The following DOCK3 variants were observed in gnomAD, a reference collection of about 807,000 sequenced individuals.
DOCK3 encodes the protein dedicator of cytokinesis protein 3.
DOCK3 carries 60 observed loss-of-function variants against 265.6 expected under a neutral mutation model. The observed-to-expected ratio is 0.23, with a 90% confidence interval of 0.18 to 0.28. DOCK3 has a LOEUF of 0.28. DOCK3 is among the 10% of genes least tolerant of loss of function. The pLI is 1.00. For missense variants in DOCK3, 1,981 were observed against 2,594.3 expected, an observed-to-expected ratio of 0.76 and a Z score of 5.14; for synonymous variants, 881 against 938.0, an observed-to-expected ratio of 0.94 and a Z score of 1.11.
intron 3 of DOCK3, chr3:50,877,184 C>A: frequency 3.1e-6 from 1 of 323,118 alleles, no homozygotes; most frequent in Non-Finnish European, 6.1e-6. Context: ...ATACTGAGCT[C>A]CTGAATGTCA....
rs569465520 is a variant in DOCK3, at chr3:51,148,392, G to T, written c.828+1762G>T. Among the ~76,000 whole-genome samples, 10 of 152,302 alleles carry T rather than the reference G, an allele frequency of 6.6e-5. No individual in the cohort carries two copies. The South Asian group carries it at 1.9e-3, about 28-fold the overall frequency. Reference sequence around the variant, plus strand: ...TTGGCTTTTGTTGCCATTGCTTTTGGTGTTTTAGTCATGAAGTCCTTGCCA... The same window carrying T: ...TTGGCTTTTGTTGCCATTGCTTTTGTTGTTTTAGTCATGAAGTCCTTGCCA... On this transcript the variant is annotated intron_variant, in intron 10 of 52. Coordinates refer to ENST00000266037, the MANE Select transcript of DOCK3 (RefSeq NM_004947.5).
rs769396900 is a variant in DOCK3 at position 51,064,566 on chromosome 3, A to G, written c.434A>G (p.His145Arg). 1 of 1,613,976 alleles carries G rather than the reference A, an allele frequency of 6.2e-7. No homozygotes were observed. ...TQDQVREVKR[H>R]ITVRLDWGNE... is the part of the protein sequence containing the mutation. ...GATCAGGTGCGGGAGGTTAAGCGGCACATCACCGTGCGCCTGGACTGGGGT... is the reference window on the plus strand; with the variant it reads ...GATCAGGTGCGGGAGGTTAAGCGGCGCATCACCGTGCGCCTGGACTGGGGT... The change falls in exon 6 of 53, where the codon CAC becomes CGC. Residue 145 changes from histidine to arginine, a missense_variant. This residue lies in a region of DOCK3 where 456 missense variants were observed against 539.0 expected (regional missense o/e 0.85). Transcript: ENST00000266037.
intron 1 of DOCK3, among the ~76,000 whole-genome samples, chr3:50,757,644 T>G (rs2040244841): frequency 6.6e-6 from 1 of 152,202 alleles, no homozygotes; most frequent in Non-Finnish European, 1.5e-5. Flanking sequence ...TTAATTTTCT[T>G]TTTTATTGCT....
chr3:51,378,822 G>C (rs2088352395), intron 51 of DOCK3, among the ~76,000 whole-genome samples: 1 of 152,178 alleles, frequency 6.6e-6, no homozygotes, highest in Non-Finnish European at 1.5e-5. Context: ...TAACACAGAA[G>C]GGCACTCTGT....
intron 2 of DOCK3, 120 bp downstream of exon 2, chr3:50,778,878 AAATAGTGTT>A: frequency 3.2e-6 from 2 of 626,942 alleles, no homozygotes; most frequent in Non-Finnish European, 5.1e-6. Context: ...TCACATGATG[AAATAGTGTT>A]ATATAAAATT....
intron 27 of DOCK3, among the ~76,000 whole-genome samples, chr3:51,286,898 T>C (rs564490374): frequency 1.3e-5 from 2 of 152,122 alleles, no homozygotes; most frequent in African/African-American, 4.8e-5. Context: ...AAAGAACTAC[T>C]TGGACATAGG....
chr3:51,075,408 G>A lies in DOCK3; in HGVS notation c.517G>A (p.Asp173Asn). The change falls in exon 7 of 53, where the codon GAC becomes AAC. Residue 173 changes from aspartate (D) to asparagine (N), a missense_variant. By Grantham distance (23) the Asp-to-Asn change is conservative. Around this residue, in one of 4 missense-constraint regions of DOCK3, gnomAD observed 456 missense variants for 539.0 expected, o/e 0.85. Transcript: ENST00000266037. Reference sequence around the variant, plus strand: ...GAAGGACTTTGAAGTAGTGGACTCGGACCAGATTAGTGTCTCAGATCTCTA... The same window carrying A: ...GAAGGACTTTGAAGTAGTGGACTCGAACCAGATTAGTGTCTCAGATCTCTA... ...PRKDFEVVDS[D>N]QISVSDLYKM... 6.2e-7 allele frequency: 1 copy of A among 1,610,768 alleles called. No individual in the cohort carries two copies. Among genetic ancestry groups the A allele is most frequent in the Admixed American group, 1.7e-5 (1 of 59,578 alleles).
chr3:50,838,389 T>C (rs1401740586), intron 2 of DOCK3, among the ~76,000 whole-genome samples: 2 of 152,240 alleles, frequency 1.3e-5, no homozygotes, highest in Non-Finnish European at 2.9e-5. Flanking sequence ...AAAATTTATA[T>C]CTGAAAATAT....
intron 3 of DOCK3, among the ~76,000 whole-genome samples, chr3:50,847,881 T>TAAAAAAA (rs1559718299): frequency 5.3e-4 from 2 of 3,754 alleles, no homozygotes; most frequent in African/African-American, 1.1e-3. Context: ...AGGCTCCATT[T>TAAAAAAA]CAAAAAAAAA....
intron 5 of DOCK3, among the ~76,000 whole-genome samples, chr3:51,002,328 C>T (rs1372623745): frequency 6.6e-6 from 1 of 152,090 alleles, no homozygotes; most frequent in Non-Finnish European, 1.5e-5. Flanking sequence ...AGAGTTTTTC[C>T]TATATTCTGG....
At chr3:51,369,556 G>A (rs374110139) in intron 49 of DOCK3, among the ~76,000 whole-genome samples, 3 of 152,164 alleles carry the variant, frequency 2.0e-5, no homozygotes, top group Non-Finnish European at 2.9e-5. Context: ...GAAAATCTAC[G>A]TCTGATTGGT....
chr3:50,675,947 T>C lies in DOCK3; in HGVS notation c.37+647T>C, dbSNP rs1156780670. On this transcript the variant is annotated intron_variant, in intron 1 of 52. Coordinates refer to ENST00000266037, the MANE Select transcript of DOCK3 (RefSeq NM_004947.5). The surrounding 1 kb of genome is among the most constrained non-coding windows in gnomAD (Gnocchi z 6.1). ...TCCTCTTAGAAACCTTTTTTTAATG[T>C]TGTAAGTGTTAAACTCCAGAAGCTA... 2.6e-5 allele frequency among the ~76,000 whole-genome samples: 4 copies of C among 152,204 alleles called. No homozygotes were observed. The highest frequency in any genetic ancestry group is 9.7e-5 in the African/African-American group (4 of 41,446).
chr3:50,728,041 CAT>C (rs926006349), intron 1 of DOCK3, among the ~76,000 whole-genome samples: 3 of 152,096 alleles, frequency 2.0e-5, no homozygotes, highest in African/African-American at 7.2e-5. Context: ...TGACGTAGAT[CAT>C]ATGATGGGCC....
chr3:50,803,100 C>T (rs2043157715), intron 2 of DOCK3, among the ~76,000 whole-genome samples: 2 of 147,882 alleles, frequency 1.4e-5, no homozygotes, highest in Admixed American at 6.8e-5. Flanking sequence ...ATTTATTGAT[C>T]ATTCTTGGGT....
At chr3:50,863,712 A>G (rs1043300444) in intron 3 of DOCK3, among the ~76,000 whole-genome samples, 2 of 152,210 alleles carry the variant, frequency 1.3e-5, no homozygotes, top group African/African-American at 4.8e-5. Flanking sequence ...TCTTGAGAAC[A>G]AACAAACTCT....
At chr3:50,938,963 A>T (rs949481365) in intron 5 of DOCK3, among the ~76,000 whole-genome samples, 2 of 151,860 alleles carry the variant, frequency 1.3e-5, no homozygotes, top group African/African-American at 4.8e-5. Context: ...AATGAAATTT[A>T]AAAAATAGAA....
At chr3:50,690,697 C>T (rs2035170684) in intron 1 of DOCK3, among the ~76,000 whole-genome samples, 1 of 151,936 alleles carries the variant, frequency 6.6e-6, no homozygotes, top group Admixed American at 6.6e-5. Context: ...GGCTGGAGTG[C>T]AGTGGTGTGA....
intron 9 of DOCK3, among the ~76,000 whole-genome samples, chr3:51,143,692 A>T (rs2085170101): frequency 6.6e-6 from 1 of 152,014 alleles, no homozygotes; most frequent in Admixed American, 6.6e-5. Context: ...TTTTATTTGA[A>T]TGTTTATTCT....
intron 41 of DOCK3, 84 bp from the exon 42 acceptor site, chr3:51,356,005 T>G: frequency 1.3e-6 from 2 of 1,550,820 alleles, no homozygotes; most frequent in Non-Finnish European, 1.8e-6. Flanking sequence ...TATGGTGCAC[T>G]TCTCCCCTTT....
Sources: allele counts gnomAD v4.1 joint callset (sites outside exome capture counted in the v4.1 genomes callset), GRCh38; gene constraint gnomAD v4.1.1; regional missense constraint gnomAD v4.1.1; non-coding constraint Gnocchi (gnomAD v3.1); transcripts MANE v1.5; gene names NCBI Gene and HGNC (gene_info 2026-07-23, HGNC 2026-07-21).